GALNTL6: variants seen among roughly 807,000 people sequenced by gnomAD.
The protein encoded by GALNTL6 is polypeptide N-acetylgalactosaminyltransferase-like 6.
GALNTL6 carries 46 observed loss-of-function variants against 73.7 expected under a neutral mutation model. The ratio of observed to expected loss-of-function variants is 0.62; its 90% CI spans 0.49 to 0.80. GALNTL6 has a LOEUF of 0.80. Among genes scored for constraint, GALNTL6 ranks in the 30% least tolerant of loss-of-function variants. GALNTL6 has a pLI of 0.00. For missense variants in GALNTL6, 604 were observed against 755.0 expected (o/e 0.80, Z 2.34); for synonymous variants, 259 against 263.7 (o/e 0.98, Z 0.17).
At chr4:172,337,883 T>C (rs1295104427) in intron 4 of GALNTL6, among the ~76,000 whole-genome samples, 1 of 152,092 alleles carries the variant, frequency 6.6e-6, no homozygotes, top group Non-Finnish European at 1.5e-5. Flanking sequence ...TGTTTACTTT[T>C]TCTTCTTCTC....
chr4:172,399,393 AAACAG>A (rs1289230373), intron 5 of GALNTL6, among the ~76,000 whole-genome samples: 1 of 152,034 alleles, frequency 6.6e-6, no homozygotes, highest in African/African-American at 2.4e-5. Context: ...TATGCAGAGT[AAACAG>A]AACACTGCAT....
chr4:171,819,479 A>G (rs962140424), intron 2 of GALNTL6, among the ~76,000 whole-genome samples: 5 of 152,182 alleles, frequency 3.3e-5, no homozygotes, highest in Non-Finnish European at 7.4e-5. Flanking sequence ...TTAGTTTCCT[A>G]TAAGTTTTCC....
At chr4:172,615,716 A>C (rs17058674) in intron 5 of GALNTL6, among the ~76,000 whole-genome samples, 4,810 of 152,282 alleles carry the variant, frequency 0.032, 120 homozygotes, top group South Asian at 0.091. Context: ...TAGAACTGAA[A>C]ATACAGTATA....
chr4:172,800,864 A>C (rs1579499464), intron 5 of GALNTL6, among the ~76,000 whole-genome samples: 1 of 152,234 alleles, frequency 6.6e-6, no homozygotes, highest in East Asian at 1.9e-4. Flanking sequence ...ATTTAGAATT[A>C]TAGTTAATTT....
intron 5 of GALNTL6, among the ~76,000 whole-genome samples, chr4:172,802,835 C>T (rs12508259): frequency 0.51 from 77,471 of 151,794 alleles, 23,533 homozygotes; most frequent in Non-Finnish European, 0.67. Flanking sequence ...ACAACAAAAA[C>T]GAGTAATCAC....
intron 5 of GALNTL6, among the ~76,000 whole-genome samples, chr4:172,696,997 T>C (rs1733737342): frequency 6.6e-6 from 1 of 152,234 alleles, no homozygotes; most frequent in African/African-American, 2.4e-5. Context: ...GACTACACAA[T>C]TTTAAAGTAG....
intron 2 of GALNTL6, among the ~76,000 whole-genome samples, chr4:171,935,618 T>G (rs1008409088): frequency 6.6e-6 from 1 of 152,140 alleles, no homozygotes; most frequent in Non-Finnish European, 1.5e-5. Flanking sequence ...CACAGCGACA[T>G]GCCACCACGC....
chr4:172,054,200 T>C (rs1401361145), intron 2 of GALNTL6, among the ~76,000 whole-genome samples: 1 of 152,088 alleles, frequency 6.6e-6, no homozygotes, highest in Non-Finnish European at 1.5e-5. Flanking sequence ...TGTTTGATAA[T>C]GGTAACTCCA....
At chr4:172,430,207 A>C (rs1731389882) in intron 5 of GALNTL6, among the ~76,000 whole-genome samples, 2 of 152,072 alleles carry the variant, frequency 1.3e-5, no homozygotes, top group South Asian at 4.1e-4. Context: ...GAATTTGTGA[A>C]TGTGTCTGAT....
rs142035030 is a variant in GALNTL6 at position 173,005,814 on chromosome 4, C to T, written c.1372-3364C>T. On this transcript the variant is annotated intron_variant, in intron 10 of 12. Coordinates refer to ENST00000506823, the MANE Select transcript of GALNTL6 (RefSeq NM_001034845.3). ...GCACAACTTTTTGCTGGAATTTACACAGATGTAGACAATTATGCCTTTGAA... is the reference window on the plus strand; with the variant it reads ...GCACAACTTTTTGCTGGAATTTACATAGATGTAGACAATTATGCCTTTGAA... 3.3e-5 allele frequency among the ~76,000 whole-genome samples: 5 copies of T among 152,326 alleles called. No homozygotes were observed. In the East Asian group the frequency reaches 9.6e-4, roughly 29 times the overall value.
At chr4:171,922,506 A>T (rs1011098921) in intron 2 of GALNTL6, among the ~76,000 whole-genome samples, 14 of 149,430 alleles carry the variant, frequency 9.4e-5, no homozygotes, top group Non-Finnish European at 1.8e-4. Context: ...TTCATGAAAT[A>T]GTGACACATA....
chr4:172,585,809 C>T lies in GALNTL6; in HGVS notation c.554-223552C>T, dbSNP rs1045983325. Among the ~76,000 whole-genome samples the T allele has an allele frequency of 2.0e-5, 3 of 151,654 alleles. No individual in the cohort carries two copies. In the East Asian group the frequency reaches 5.8e-4, roughly 29 times the overall value. ...TCTACAAGGAACTTAAACAAATTTA[C>T]AAGAAAAAAACAAAGAACCCCATCA... On this transcript the variant is annotated intron_variant, in intron 5 of 12. Transcript: ENST00000506823.
At chr4:172,764,965 C>G (rs1166321773) in intron 5 of GALNTL6, among the ~76,000 whole-genome samples, 2 of 152,072 alleles carry the variant, frequency 1.3e-5, no homozygotes, top group Admixed American at 6.5e-5. Flanking sequence ...TTTCTTTCAC[C>G]AAAGAACATA....
intron 3 of GALNTL6, among the ~76,000 whole-genome samples, chr4:172,240,617 T>C (rs1272127284): frequency 6.6e-6 from 1 of 152,220 alleles, no homozygotes; most frequent in East Asian, 1.9e-4. Context: ...TCTGAGAGTC[T>C]TTCCACAGTT....
At chr4:171,935,610 C>G (rs1738317516) in intron 2 of GALNTL6, among the ~76,000 whole-genome samples, 1 of 152,156 alleles carries the variant, frequency 6.6e-6, no homozygotes, top group South Asian at 2.1e-4. Context: ...TCTGGGACCA[C>G]AGCGACATGC....
At chr4:172,488,158 A>G (rs529699379) in intron 5 of GALNTL6, among the ~76,000 whole-genome samples, 112 of 152,320 alleles carry the variant, frequency 7.4e-4, no homozygotes, top group African/African-American at 2.5e-3. Flanking sequence ...AGAACATTTC[A>G]GGACTTGTCT....
intron 7 of GALNTL6, among the ~76,000 whole-genome samples, chr4:172,832,920 C>T (rs995142445): frequency 1.2e-4 from 18 of 152,174 alleles, no homozygotes; most frequent in African/African-American, 4.3e-4. Context: ...GGGCGGTGAT[C>T]CCCACCAGCT....
At chr4:172,188,489 G>C (rs988421890) in intron 2 of GALNTL6, among the ~76,000 whole-genome samples, 2 of 152,122 alleles carry the variant, frequency 1.3e-5, no homozygotes, top group African/African-American at 4.8e-5. Flanking sequence ...AAAGTGACAC[G>C]GTGTCTGCTC....
chr4:172,098,302 G>T (rs994521292), intron 2 of GALNTL6, among the ~76,000 whole-genome samples: 8 of 152,014 alleles, frequency 5.3e-5, no homozygotes, highest in Admixed American at 4.6e-4. Context: ...TATTAATATG[G>T]CCTAATATTA....
Sources: allele counts gnomAD v4.1 joint callset (sites outside exome capture counted in the v4.1 genomes callset), GRCh38; gene constraint gnomAD v4.1.1; transcripts MANE v1.5; gene names NCBI Gene and HGNC (gene_info 2026-07-23, HGNC 2026-07-21).